Variants in UGT1A10 observed in about 807,000 individuals in gnomAD.
UGT1A10 encodes UDP glucuronosyltransferase family 1 member A10.
UGT1A10 carries 49 observed loss-of-function variants against 45.8 expected under a neutral mutation model. The ratio of observed to expected loss-of-function variants is 1.07; its 90% CI spans 0.85 to 1.36. The LOEUF (loss-of-function observed/expected upper bound fraction) is 1.36. UGT1A10 is among the 40% of genes most tolerant of loss of function. The pLI is 0.00. For synonymous variants in UGT1A10, 284 were observed against 249.7 expected (o/e 1.14, Z -1.29); for missense variants, 745 against 668.6 (o/e 1.11, Z -1.26).
chr2:233,730,403 A>G (rs1043084681), intron 1 of UGT1A10, among the ~76,000 whole-genome samples: 1 of 152,216 alleles, frequency 6.6e-6, no homozygotes, highest in Non-Finnish European at 1.5e-5. Context: ...GTAAATTACA[A>G]TTGTTGACAT....
intron 1 of UGT1A10, among the ~76,000 whole-genome samples, chr2:233,660,707 G>A (rs1041764122): frequency 1.3e-5 from 2 of 152,060 alleles, no homozygotes; most frequent in African/African-American, 2.4e-5. Context: ...CCTCGTGCCC[G>A]CTTCTCTTCC....
chr2:233,740,668 G>A (rs1267064015), intron 1 of UGT1A10: 1 of 151,782 alleles, frequency 6.6e-6, no homozygotes, highest in Non-Finnish European at 1.5e-5. Context: ...GAAGGTACAG[G>A]TGTTTCCATG....
At chr2:233,642,710 C>A (rs983337293) in intron 1 of UGT1A10, among the ~76,000 whole-genome samples, 4 of 152,222 alleles carry the variant, frequency 2.6e-5, no homozygotes, top group Admixed American at 2.6e-4. Flanking sequence ...GTAATCTAAG[C>A]TGTTTCTGCT....
rs1476500325 is a variant in UGT1A10 at position 233,772,338 on chromosome 2, T to C, written c.1372T>C (p.Trp458Arg). ...PVEPLDLAVF[W>R]VEFVMRHKGA... ...GGAGCCGCTGGACCTGGCCGTGTTC[T>C]GGGTGGAGTTTGTGATGAGGCACAA... Residue 458 changes from tryptophan (W) to arginine (R), a missense_variant, in exon 5 of 5, where the codon TGG becomes CGG. Trp to Arg is a moderately radical substitution (Grantham distance 101). Coordinates refer to ENST00000344644, the MANE Select transcript of UGT1A10 (RefSeq NM_019075.4). 3.1e-6 allele frequency: 5 copies of C among 1,614,136 alleles called. No individual in the cohort carries two copies. The highest frequency in any genetic ancestry group is 4.2e-6 in the Non-Finnish European group (5 of 1,180,052).
At chr2:233,692,675 G>A (rs932907325) in intron 1 of UGT1A10, among the ~76,000 whole-genome samples, 1 of 152,174 alleles carries the variant, frequency 6.6e-6, no homozygotes, top group African/African-American at 2.4e-5. Context: ...TAGAGAATTG[G>A]CAGGGGGTCC....
chr2:233,748,866 G>T (rs17862876), intron 1 of UGT1A10, among the ~76,000 whole-genome samples: 1,756 of 151,560 alleles, frequency 0.012, 18 homozygotes, highest in Non-Finnish European at 0.019. Flanking sequence ...AGTTAAGCTG[G>T]GGACGGTGAT....
intron 4 of UGT1A10, chr2:233,771,569 G>A (rs1337987311): frequency 6.6e-6 from 1 of 152,150 alleles, no homozygotes; most frequent in Non-Finnish European, 1.5e-5. Flanking sequence ...GGCCAGAGGT[G>A]GTTGTTTACA....
intron 1 of UGT1A10, chr2:233,693,897 G>C (rs901787042): frequency 6.2e-7 from 1 of 1,613,764 alleles, no homozygotes; most frequent in South Asian, 1.1e-5. Context: ...GGACTGCCTT[G>C]TTTCTTCCAG....
At chr2:233,765,924 G>A (rs1285485148) in intron 1 of UGT1A10, among the ~76,000 whole-genome samples, 9 of 152,180 alleles carry the variant, frequency 5.9e-5, no homozygotes, top group Middle Eastern at 3.4e-3. Context: ...GCATACAGAC[G>A]GGCAGGTTGT....
chr2:233,731,351 A>G (rs2078148084), intron 1 of UGT1A10, among the ~76,000 whole-genome samples: 1 of 151,002 alleles, frequency 6.6e-6, no homozygotes, highest in African/African-American at 2.4e-5. Flanking sequence ...TTTGATACAT[A>G]GGTATACATG....
rs905208353 is a variant in UGT1A10 at position 233,747,345 on chromosome 2, C to T, written c.856-19689C>T. On this transcript the variant is annotated intron_variant, in intron 1 of 4. Coordinates refer to ENST00000344644, the MANE Select transcript of UGT1A10 (RefSeq NM_019075.4). ...TTGATGGCAGCCACTGGCTCGCATG[C>T]GGGAGGCCGTGCGGGAGCTCCATGC... is the stretch of plus-strand genomic sequence containing the variant. 3.8e-5 allele frequency: 61 copies of T among 1,602,546 alleles called. No individual in the cohort carries two copies. In the East Asian group the frequency reaches 5.4e-4, roughly 14 times the overall value.
At chr2:233,700,189 G>A (rs954345337) in intron 1 of UGT1A10, among the ~76,000 whole-genome samples, 2 of 152,162 alleles carry the variant, frequency 1.3e-5, no homozygotes, top group Non-Finnish European at 2.9e-5. Context: ...TGAAATCTCA[G>A]CCTTTGTTGG....
intron 1 of UGT1A10, among the ~76,000 whole-genome samples, chr2:233,699,760 A>G (rs921054615): frequency 7.9e-5 from 12 of 152,218 alleles, no homozygotes; most frequent in African/African-American, 2.4e-4. Context: ...CCAGTTCCTC[A>G]GGACTAGTTC....
chr2:233,747,081 A>G (rs1196647513), intron 1 of UGT1A10: 7 of 1,127,108 alleles, frequency 6.2e-6, no homozygotes, highest in Non-Finnish European at 1.2e-6. Context: ...ATTAACTAGG[A>G]GGAGAGCACT....
intron 3 of UGT1A10, 80 bp from the exon 4 acceptor site, chr2:233,768,140 A>T: frequency 6.2e-7 from 1 of 1,609,884 alleles, no homozygotes; most frequent in Non-Finnish European, 8.5e-7. Flanking sequence ...GAGTCTTTGG[A>T]GTGTTTTCAG....
chr2:233,743,344 G>C, intron 1 of UGT1A10: 1 of 880,632 alleles, frequency 1.1e-6, no homozygotes, highest in South Asian at 1.4e-5. Context: ...AGTGGAAGTC[G>C]ACATGGACTT....
chr2:233,659,467 A>C (rs1323005388), intron 1 of UGT1A10, among the ~76,000 whole-genome samples: 1 of 152,204 alleles, frequency 6.6e-6, no homozygotes, highest in East Asian at 1.9e-4. Context: ...TTTGAGAAAA[A>C]ATTTTAGGGT....
At chr2:233,698,261 A>G (rs911865957) in intron 1 of UGT1A10, among the ~76,000 whole-genome samples, 9 of 152,224 alleles carry the variant, frequency 5.9e-5, no homozygotes, top group Non-Finnish European at 1.3e-4. Context: ...TTGTCCAATA[A>G]TCAAACCATT....
chr2:233,753,704 T>C (rs1413802728), intron 1 of UGT1A10: 3 of 152,228 alleles, frequency 2.0e-5, no homozygotes, highest in Non-Finnish European at 4.4e-5. Flanking sequence ...TGCACTTGGC[T>C]TTCATCAACC....
Sources: allele counts gnomAD v4.1 joint callset (sites outside exome capture counted in the v4.1 genomes callset), GRCh38; gene constraint gnomAD v4.1.1; transcripts MANE v1.5; gene names NCBI Gene and HGNC (gene_info 2026-07-23, HGNC 2026-07-21).